Variants in OPN4 observed in about 807,000 individuals in gnomAD.
The protein encoded by OPN4 is melanopsin.
A neutral mutation model predicts 49.5 loss-of-function variants in OPN4; 43 were observed. The observed-to-expected ratio is 0.87, with a 90% CI of 0.68 to 1.12. The LOEUF is 1.12. Among genes scored for constraint, OPN4 ranks in the 50% most tolerant of loss-of-function variants. The probability of loss-of-function intolerance (pLI) is 0.00; values close to 1 mark genes in which losing one functional copy is unlikely to be tolerated. For missense variants in OPN4, 657 were observed against 643.9 expected (o/e 1.02, Z -0.22); for synonymous variants, 263 against 258.0 (o/e 1.02, Z -0.19).
chr10:86,660,021 G>A lies in OPN4; in HGVS notation c.927G>A (p.Trp309Ter). The change falls in exon 6 of 10, where the codon TGG (tryptophan) becomes TGA (stop). Residue 309 changes from tryptophan to a stop codon, truncating the protein, a stop_gained. Coordinates refer to ENST00000241891, the MANE Select transcript of OPN4 (RefSeq NM_033282.4). LOFTEE classifies it high-confidence loss of function. The stretch of plus-strand genomic sequence containing the variant: ...TCATCCTCCTCTTCGTGCTCTCCTG[G>A]GCTCCCTATTCCGCTGTGGCCCTGG... ...LLVILLFVLS[W>*]APYSAVALVA... 6.2e-7 allele frequency: 1 copy of A among 1,614,192 alleles called. No homozygotes were observed. Among genetic ancestry groups the A allele is most frequent in the Non-Finnish European group, 8.5e-7 (1 of 1,180,038 alleles).
chr10:86,658,571 TA>T lies in OPN4; in HGVS notation c.514del (p.Ile172SerfsTer47). On this transcript the variant is annotated frameshift_variant, in exon 4 of 10. Coordinates refer to ENST00000241891, the MANE Select transcript of OPN4 (RefSeq NM_033282.4). LOFTEE classifies it high-confidence loss of function. ...GCCATCGCCCTGGACCGCTACCTGG[TA>T]ATCACACGCCCGCTGGCCACCTTTG... ...LTAIALDRYL[V>X]ITRPLATFGV... The T allele has an allele frequency of 6.2e-7, 1 of 1,614,238 alleles. No homozygotes were observed.
intron 2 of OPN4, 70 bp downstream of exon 2, chr10:86,656,370 G>A: frequency 6.6e-7 from 1 of 1,522,538 alleles, no homozygotes; most frequent in Non-Finnish European, 8.9e-7. Context: ...AGAAAATGCA[G>A]GCAGGAATGT....
intron 7 of OPN4, 25 bp downstream of exon 7, chr10:86,661,413 C>A (rs928000199): frequency 1.3e-6 from 2 of 1,577,480 alleles, no homozygotes; most frequent in Non-Finnish European, 1.7e-6. Context: ...CAGAACCCCA[C>A]ACCTTGGCCT....
intron 2 of OPN4, among the ~76,000 whole-genome samples, chr10:86,656,670 C>T (rs11202108): frequency 0.027 from 4,158 of 152,172 alleles, 187 homozygotes; most frequent in African/African-American, 0.091. Context: ...CTAGGCCAGG[C>T]GTGGTGGCTC....
chr10:86,658,263 T>A, intron 3 of OPN4, 98 bp downstream of exon 3: 1 of 1,509,858 alleles, frequency 6.6e-7, no homozygotes, highest in Non-Finnish European at 9.0e-7. Context: ...ATTTGCTGCT[T>A]CTGGGCAGAG....
At position 86,654,734 on chromosome 10, in the gene OPN4, T is replaced by C; in HGVS notation, c.-50T>C. Reference sequence around the variant, plus strand: ...AGCACAGCTGAAGTCCTGAGCTCCCTGTGCCCTTGACTTCTCTGTGGGCTC... The same window carrying C: ...AGCACAGCTGAAGTCCTGAGCTCCCCGTGCCCTTGACTTCTCTGTGGGCTC... On this transcript the variant is annotated 5_prime_UTR_variant, in exon 1 of 10. Coordinates refer to ENST00000241891, the MANE Select transcript of OPN4 (RefSeq NM_033282.4). The C allele has an allele frequency of 6.3e-7, 1 of 1,578,962 alleles. No homozygotes were observed. Among genetic ancestry groups the C allele is most frequent in the Non-Finnish European group, 8.7e-7 (1 of 1,155,596 alleles).
chr10:86,657,253 C>A (rs754574518), intron 2 of OPN4: 2 of 779,436 alleles, frequency 2.6e-6, no homozygotes, highest in East Asian at 4.9e-5. Flanking sequence ...TGCGTTGCCC[C>A]ACAGATGAGC....
chr10:86,654,676 G>C lies in OPN4; in HGVS notation c.-108G>C. On this transcript the variant is annotated 5_prime_UTR_variant, in exon 1 of 10. Coordinates refer to ENST00000241891, the MANE Select transcript of OPN4 (RefSeq NM_033282.4). ...AGAAAGCAGCGGGTAGGCTAAGCAG[G>C]GGTGCTGAGGATGGAGGAAAGTTGG... 4.1e-6 allele frequency: 6 copies of C among 1,452,280 alleles called. No homozygotes were observed. The highest frequency in any genetic ancestry group is 4.7e-6 in the Non-Finnish European group (5 of 1,067,550). 90.0% of individuals were successfully genotyped at this position (1,452,280 alleles called of 1,614,324 possible).
In OPN4 at chr10:86,662,389, C is replaced by T. The variant is rs1837532072; in HGVS notation, c.1211C>T (p.Ser404Phe). Residue 404 changes from serine (S) to phenylalanine (F), a missense_variant, in exon 8 of 10, where the codon TCC (serine) becomes TTC (phenylalanine). Physicochemically the swap from Ser to Phe is radical, Grantham distance 155. Transcript: ENST00000241891. ...TSHTSNLSWISIRRRQESLGS... is the reference protein window; with the variant it reads ...TSHTSNLSWIFIRRRQESLGS... ...CACACCTCCAACCTCAGCTGGATCT[C>T]CATACGGAGGCGCCAGGAGTCCCTG... The T allele has an allele frequency of 1.3e-6, 2 of 1,570,718 alleles. No homozygotes were observed. Among genetic ancestry groups the T allele is most frequent in the African/African-American group, 1.4e-5 (1 of 74,004 alleles).
At chr10:86,659,516 C>G (rs780477673) in intron 5 of OPN4, 48 bp downstream of exon 5, 1 of 1,581,262 alleles carries the variant, frequency 6.3e-7, no homozygotes, top group African/African-American at 1.3e-5. Flanking sequence ...ACCGGCCCCT[C>G]GGCCAGGCGG....
chr10:86,663,510 T>C (rs1844067242), intron 8 of OPN4, 149 bp from the exon 9 acceptor site: 1 of 661,706 alleles, frequency 1.5e-6, no homozygotes, highest in Non-Finnish European at 2.3e-6. Flanking sequence ...CGGGGTTTAT[T>C]TGGTGACCGG....
chr10:86,656,251 G>A lies in OPN4; in HGVS notation c.241G>A (p.Gly81Arg). ...CCTGGGCACAGTGATCTTGCTGGTG[G>A]GACTCACGGGGATGCTGGGCAACCT... ...YTLGTVILLV[G>R]LTGMLGNLTV... Residue 81 changes from glycine to arginine, a missense_variant, in exon 2 of 10, where the codon GGA (glycine) becomes AGA (arginine). Coordinates refer to ENST00000241891, the MANE Select transcript of OPN4 (RefSeq NM_033282.4). 1 of 1,613,428 alleles carries A rather than the reference G, an allele frequency of 6.2e-7. No homozygotes were observed. The highest frequency in any genetic ancestry group is 2.2e-5 in the East Asian group (1 of 44,864).
At chr10:86,657,729 G>A (rs566594733) in intron 2 of OPN4, among the ~76,000 whole-genome samples, 2 of 152,248 alleles carry the variant, frequency 1.3e-5, no homozygotes, top group East Asian at 1.9e-4. Context: ...CCCAAGAACC[G>A]GCCTGCGCTG....
At chr10:86,656,065 C>T in intron 1 of OPN4, 90 bp from the exon 2 acceptor site, 1 of 1,550,484 alleles carries the variant, frequency 6.4e-7, no homozygotes, top group Non-Finnish European at 8.8e-7. Flanking sequence ...TTCCCACCTG[C>T]CCTGTTGAGA....
intron 1 of OPN4, among the ~76,000 whole-genome samples, chr10:86,655,905 C>A (rs968756269): frequency 1.3e-5 from 2 of 152,192 alleles, no homozygotes; most frequent in Non-Finnish European, 2.9e-5. Flanking sequence ...TACCAGCCTC[C>A]AGCAGGTGAT....
intron 1 of OPN4, among the ~76,000 whole-genome samples, 197 bp from the exon 2 acceptor site, chr10:86,655,958 C>T (rs905927723): frequency 2.6e-5 from 4 of 152,258 alleles, no homozygotes; most frequent in African/African-American, 9.6e-5. Context: ...GTTCTAGGAG[C>T]TTGGGCTGGA....
rs901531366 is a variant in OPN4 at position 86,663,664 on chromosome 10, G to T, written c.1260G>T (p.Trp420Cys). The change falls in exon 9 of 10, where the codon TGG (tryptophan) becomes TGT (cysteine). Residue 420 changes from tryptophan (W) to cysteine (C), a missense_variant. By Grantham distance (215) the Trp-to-Cys change is radical. Coordinates refer to ENST00000241891, the MANE Select transcript of OPN4 (RefSeq NM_033282.4). ...CACTCTCTCACCTCCCTCAGGGCTG[G>T]ACACACATGGAGGCAGCAGCTGTGT... Reference protein sequence around the residue: ...ESLGSESEVGWTHMEAAAVWG... With the variant: ...ESLGSESEVGCTHMEAAAVWG... 2 of 1,528,622 alleles carry T rather than the reference G, an allele frequency of 1.3e-6. No homozygotes were observed. The highest frequency in any genetic ancestry group is 1.3e-5 in the South Asian group (1 of 77,166). 94.7% of individuals were successfully genotyped at this position (1,528,622 alleles called of 1,614,324 possible). A position where few individuals can be genotyped will look rare whatever the true frequency, so the allele number is the denominator to read the frequency against.
At chr10:86,656,412 G>A in intron 2 of OPN4, 112 bp downstream of exon 2, 3 of 1,350,810 alleles carry the variant, frequency 2.2e-6, no homozygotes, top group Non-Finnish European at 3.0e-6. Flanking sequence ...CACTGTTGAG[G>A]CTAGGCAAGG....
At chr10:86,661,416 C>A in intron 7 of OPN4, 28 bp downstream of exon 7, 1 of 1,571,060 alleles carries the variant, frequency 6.4e-7, no homozygotes, top group Non-Finnish European at 8.7e-7. Flanking sequence ...AACCCCACAC[C>A]TTGGCCTCCA....
Sources: allele counts gnomAD v4.1 joint callset (sites outside exome capture counted in the v4.1 genomes callset), GRCh38; gene constraint gnomAD v4.1.1; transcripts MANE v1.5; gene names NCBI Gene and HGNC (gene_info 2026-07-23, HGNC 2026-07-21).